The following IGF2BP3 variants were observed in gnomAD, a reference collection of about 807,000 sequenced individuals.
IGF2BP3 encodes the protein insulin-like growth factor 2 mRNA-binding protein 3.
Under a neutral mutation model 73.8 loss-of-function variants are expected in IGF2BP3, and 9 were observed. The observed-to-expected ratio is 0.12, with a 90% CI of 0.07 to 0.21. IGF2BP3 has a LOEUF of 0.21. Among genes scored for constraint, IGF2BP3 ranks in the 10% least tolerant of loss-of-function variants. The pLI is 1.00. For missense variants in IGF2BP3, 542 were observed against 714.0 expected, an observed-to-expected ratio of 0.76 and a Z score of 2.75; for synonymous variants, 258 against 256.7, an observed-to-expected ratio of 1.01 and a Z score of -0.05.
At chr7:23,400,812 T>G (rs949566913) in intron 3 of IGF2BP3, among the ~76,000 whole-genome samples, 3 of 152,082 alleles carry the variant, frequency 2.0e-5, no homozygotes, top group Admixed American at 6.6e-5. Context: ...AAAACCCTAT[T>G]TTTCTGAGAT....
At position 23,426,121 on chromosome 7, in the gene IGF2BP3, G is replaced by C. The variant is rs2128539462; in HGVS notation, c.237-7297C>G. Reference sequence around the variant, plus strand: ...GCAGGCAGATCACCTGAGGTCAGGAGTTTGAGACCAGCCTGGCCAACATCG... The same window carrying C: ...GCAGGCAGATCACCTGAGGTCAGGACTTTGAGACCAGCCTGGCCAACATCG... On this transcript the variant is annotated intron_variant, in intron 2 of 14. Transcript: ENST00000258729. Among the ~76,000 whole-genome samples the C allele has an allele frequency of 1.3e-5, 2 of 152,164 alleles. 1 individual carries two copies. Among genetic ancestry groups the C allele is most frequent in the East Asian group, 3.9e-4 (2 of 5,174 alleles).
chr7:23,415,320 T>C (rs1584016641), intron 3 of IGF2BP3: 2 of 188,236 alleles, frequency 1.1e-5, no homozygotes, highest in East Asian at 2.6e-4. Context: ...AGGTCCCCGT[T>C]CATCGGCTTC....
intron 3 of IGF2BP3, among the ~76,000 whole-genome samples, chr7:23,389,477 T>C (rs1023840893): frequency 2.0e-5 from 3 of 151,818 alleles, no homozygotes; most frequent in African/African-American, 7.3e-5. Flanking sequence ...CAATGTTTAA[T>C]GTGTGAAAAG....
At chr7:23,392,573 G>A (rs1786319819) in intron 3 of IGF2BP3, among the ~76,000 whole-genome samples, 1 of 151,670 alleles carries the variant, frequency 6.6e-6, no homozygotes, top group Middle Eastern at 3.4e-3. Context: ...AGTTAACTCT[G>A]AATGGTAGGA....
At chr7:23,399,585 C>T (rs1413108475) in intron 3 of IGF2BP3, among the ~76,000 whole-genome samples, 1 of 151,942 alleles carries the variant, frequency 6.6e-6, no homozygotes, top group African/African-American at 2.4e-5. Context: ...GCTTCTAGAA[C>T]AAAAATTAAT....
chr7:23,330,223 C>T (rs1248301367), intron 10 of IGF2BP3, among the ~76,000 whole-genome samples: 4 of 151,432 alleles, frequency 2.6e-5, no homozygotes, highest in East Asian at 1.9e-4. Flanking sequence ...GAGGCGGAGG[C>T]TACAGTGAGC....
chr7:23,395,941 T>C (rs1436687361), intron 3 of IGF2BP3, among the ~76,000 whole-genome samples: 5 of 150,350 alleles, frequency 3.3e-5, no homozygotes, highest in Non-Finnish European at 7.4e-5. Flanking sequence ...AAGAAGAAAA[T>C]AACAAAAATA....
intron 3 of IGF2BP3, among the ~76,000 whole-genome samples, chr7:23,369,843 G>A (rs992898613): frequency 1.1e-4 from 17 of 152,168 alleles, no homozygotes; most frequent in African/African-American, 3.9e-4. Context: ...CACTATGGGC[G>A]TGAGGTAGAT....
At chr7:23,335,940 G>C (rs781003643) in intron 10 of IGF2BP3, among the ~76,000 whole-genome samples, 1 of 152,202 alleles carries the variant, frequency 6.6e-6, no homozygotes, top group Non-Finnish European at 1.5e-5. Context: ...TGCTAGGCAG[G>C]AACTAGAGAC....
At chr7:23,442,373 G>T (rs1787957171) in intron 2 of IGF2BP3, among the ~76,000 whole-genome samples, 1 of 151,784 alleles carries the variant, frequency 6.6e-6, no homozygotes, top group African/African-American at 2.4e-5. Context: ...TTTATGCAAG[G>T]TCAATAACAT....
intron 2 of IGF2BP3, among the ~76,000 whole-genome samples, chr7:23,449,088 A>T (rs1584056520): frequency 6.7e-6 from 1 of 149,398 alleles, no homozygotes. Flanking sequence ...ACATTTTTTC[A>T]TTTGCTTATC....
At chr7:23,400,049 A>G (rs997309951) in intron 3 of IGF2BP3, among the ~76,000 whole-genome samples, 2 of 152,210 alleles carry the variant, frequency 1.3e-5, no homozygotes, top group Admixed American at 1.3e-4. Flanking sequence ...TGGTATAAAA[A>G]GTTTGCATCC....
At chr7:23,349,939 G>A (rs940093139) in intron 6 of IGF2BP3, among the ~76,000 whole-genome samples, 1 of 152,164 alleles carries the variant, frequency 6.6e-6, no homozygotes, top group African/African-American at 2.4e-5. Flanking sequence ...TAAGATTAAA[G>A]CCAGGCCGAC....
intron 2 of IGF2BP3, among the ~76,000 whole-genome samples, chr7:23,425,847 C>T (rs918881411): frequency 6.6e-6 from 1 of 151,926 alleles, no homozygotes; most frequent in African/African-American, 2.4e-5. Flanking sequence ...GCTTGTAGTC[C>T]CAGCTACTCG....
intron 2 of IGF2BP3, among the ~76,000 whole-genome samples, chr7:23,420,306 A>G (rs1787308613): frequency 6.6e-6 from 1 of 151,888 alleles, no homozygotes; most frequent in African/African-American, 2.4e-5. Context: ...TCTCTACAAA[A>G]ATCTTTTTAA....
chr7:23,449,390 G>A (rs909249779), intron 2 of IGF2BP3, among the ~76,000 whole-genome samples: 6 of 151,712 alleles, frequency 4.0e-5, no homozygotes, highest in South Asian at 4.2e-4. Flanking sequence ...GGTGGTGGGC[G>A]TCTGTAGTTC....
At chr7:23,406,692 T>A (rs1786842434) in intron 3 of IGF2BP3, among the ~76,000 whole-genome samples, 1 of 152,190 alleles carries the variant, frequency 6.6e-6, no homozygotes, top group Admixed American at 6.5e-5. Flanking sequence ...CTGGCTCAGG[T>A]GGCCAACTTT....
At chr7:23,431,577 C>T (rs548657259) in intron 2 of IGF2BP3, among the ~76,000 whole-genome samples, 2 of 151,864 alleles carry the variant, frequency 1.3e-5, no homozygotes, top group Non-Finnish European at 2.9e-5. Flanking sequence ...GAAAAGCATA[C>T]TTCCTGCAAC....
chr7:23,312,657 T>C, intron 14 of IGF2BP3, 78 bp downstream of exon 14: 2 of 1,072,922 alleles, frequency 1.9e-6, no homozygotes, highest in Middle Eastern at 2.8e-4. Context: ...CTTAACTAAT[T>C]CTATCAGGTA....
Sources: gnomAD v4.1 joint callset for allele counts (sites outside exome capture counted in the v4.1 genomes callset) on GRCh38, gnomAD v4.1.1 for gene constraint, MANE v1.5 for transcripts, NCBI Gene and HGNC (gene_info 2026-07-23, HGNC 2026-07-21) for gene names.